The following RPS6KC1 variants were observed in gnomAD, a reference collection of about 807,000 sequenced individuals.
The protein encoded by RPS6KC1 is inactive ribosomal protein S6 kinase delta-1.
RPS6KC1 carries 54 observed loss-of-function variants against 103.8 expected under a neutral mutation model. The observed-to-expected ratio is 0.52, with a 90% CI of 0.42 to 0.65. The LOEUF is 0.65. Among genes scored for constraint, RPS6KC1 ranks in the 30% least tolerant of loss-of-function variants. The pLI, the probability that RPS6KC1 is intolerant of heterozygous loss-of-function variation, is 0.00. For missense variants in RPS6KC1, 1,151 were observed against 1,253.8 expected (o/e 0.92, Z 1.24); for synonymous variants, 439 against 438.7 (o/e 1.00, Z -0.01).
At chr1:213,067,942 C>G (rs1241766937) in intron 1 of RPS6KC1, among the ~76,000 whole-genome samples, 1 of 152,054 alleles carries the variant, frequency 6.6e-6, no homozygotes, top group Non-Finnish European at 1.5e-5. Flanking sequence ...ATATGTACAC[C>G]AAACTAAGAA....
the RPS6KC1 span, among the ~76,000 whole-genome samples, chr1:213,712,989 C>T: frequency 6.6e-6 from 1 of 152,088 alleles, no homozygotes; most frequent in Non-Finnish European, 1.5e-5. Flanking sequence ...TTTTTGGTTA[C>T]TGTAAAGGCA....
the RPS6KC1 span, among the ~76,000 whole-genome samples, chr1:213,357,905 TG>T: frequency 2.6e-5 from 4 of 152,224 alleles, no homozygotes; most frequent in Admixed American, 2.6e-4. Context: ...CCGCTTGGCA[TG>T]AGGCATACGA....
At chr1:213,618,564 T>C in the RPS6KC1 span, among the ~76,000 whole-genome samples, 1 of 152,232 alleles carries the variant, frequency 6.6e-6, no homozygotes, top group African/African-American at 2.4e-5. Context: ...AGGCAAGGCA[T>C]TACTATAATC....
chr1:213,624,969 TTTA>T, the RPS6KC1 span, among the ~76,000 whole-genome samples: 5 of 152,030 alleles, frequency 3.3e-5, no homozygotes, highest in African/African-American at 9.7e-5. Flanking sequence ...TTAAAAGTTA[TTTA>T]TTTATTTATT....
the RPS6KC1 span, among the ~76,000 whole-genome samples, chr1:213,527,462 A>G: frequency 8.1e-4 from 123 of 152,258 alleles, no homozygotes; most frequent in Middle Eastern, 0.017. Flanking sequence ...CTGTCTTTCC[A>G]TGATCTCATG....
At chr1:213,249,398 C>T (rs1385210799) in intron 12 of RPS6KC1, among the ~76,000 whole-genome samples, 1 of 152,072 alleles carries the variant, frequency 6.6e-6, no homozygotes, top group African/African-American at 2.4e-5. Context: ...CAAATTCTTC[C>T]TTCGAATAAA....
At chr1:213,357,615 C>T in the RPS6KC1 span, among the ~76,000 whole-genome samples, 1 of 152,220 alleles carries the variant, frequency 6.6e-6, no homozygotes, top group Non-Finnish European at 1.5e-5. Context: ...GCCACTGGCT[C>T]TTTGTATGAC....
chr1:213,150,204 G>T (rs2088501127), intron 6 of RPS6KC1, among the ~76,000 whole-genome samples: 1 of 151,914 alleles, frequency 6.6e-6, no homozygotes, highest in South Asian at 2.1e-4. Context: ...TGGTTTAGTG[G>T]TCTTTCTTCT....
chr1:213,199,164 A>G (rs994408595), intron 8 of RPS6KC1, among the ~76,000 whole-genome samples: 2 of 152,210 alleles, frequency 1.3e-5, no homozygotes, highest in Non-Finnish European at 2.9e-5. Context: ...TCACCCTTAT[A>G]CCAAAACCTG....
the RPS6KC1 span, among the ~76,000 whole-genome samples, chr1:213,434,941 T>A: frequency 4.6e-5 from 7 of 152,210 alleles, no homozygotes; most frequent in Non-Finnish European, 7.3e-5. Flanking sequence ...ATTTGGAAAT[T>A]TTTCAACCAT....
intron 3 of RPS6KC1, among the ~76,000 whole-genome samples, chr1:213,088,755 T>G (rs2080678669): frequency 1.3e-5 from 2 of 152,212 alleles, no homozygotes; most frequent in Non-Finnish European, 2.9e-5. Context: ...ATACTCTGAT[T>G]TAGGAAGAGT....
the RPS6KC1 span, among the ~76,000 whole-genome samples, chr1:213,395,500 C>A: frequency 6.6e-6 from 1 of 152,182 alleles, no homozygotes; most frequent in Non-Finnish European, 1.5e-5. Flanking sequence ...ACACTCAAGG[C>A]TTAACACTTT....
intron 6 of RPS6KC1, among the ~76,000 whole-genome samples, chr1:213,158,468 T>C (rs1241959240): frequency 6.6e-6 from 1 of 152,228 alleles, no homozygotes; most frequent in Non-Finnish European, 1.5e-5. Context: ...TAAGTTGTTA[T>C]AATACTTTCC....
chr1:213,449,708 G>A, the RPS6KC1 span, among the ~76,000 whole-genome samples: 2 of 152,180 alleles, frequency 1.3e-5, no homozygotes, highest in African/African-American at 2.4e-5. Flanking sequence ...TCTGCATTCT[G>A]TGTTTCTGAC....
chr1:213,662,541 G>C, the RPS6KC1 span, among the ~76,000 whole-genome samples: 103 of 150,610 alleles, frequency 6.8e-4, no homozygotes, highest in African/African-American at 2.5e-3. Context: ...GCCTCCCAAA[G>C]TGTTGGGGTT....
the RPS6KC1 span, among the ~76,000 whole-genome samples, chr1:213,362,923 C>T: frequency 1.3e-5 from 2 of 152,188 alleles, no homozygotes; most frequent in Non-Finnish European, 2.9e-5. Flanking sequence ...CCTAGTTCTT[C>T]AGCCTGTTGG....
At chr1:213,352,036 G>A in the RPS6KC1 span, among the ~76,000 whole-genome samples, 1 of 151,922 alleles carries the variant, frequency 6.6e-6, no homozygotes, top group Non-Finnish European at 1.5e-5. Flanking sequence ...CTGGGAGATA[G>A]AGTTTTGGGG....
At chr1:213,581,813 C>T in the RPS6KC1 span, among the ~76,000 whole-genome samples, 1 of 152,088 alleles carries the variant, frequency 6.6e-6, no homozygotes, top group Non-Finnish European at 1.5e-5. Context: ...TGGTATTATG[C>T]TTTTTCAGGC....
the RPS6KC1 span, among the ~76,000 whole-genome samples, chr1:213,635,337 C>T: frequency 1.2e-4 from 18 of 152,166 alleles, no homozygotes; most frequent in African/African-American, 4.1e-4. Context: ...AATTTTAGAC[C>T]AATATCCCTA....
Sources: gnomAD v4.1 joint callset for allele counts (sites outside exome capture counted in the v4.1 genomes callset) on GRCh38, gnomAD v4.1.1 for gene constraint, MANE v1.5 for transcripts, NCBI Gene and HGNC (gene_info 2026-07-23, HGNC 2026-07-21) for gene names.